LTBP3: variants seen among roughly 807,000 people sequenced by gnomAD.
The protein encoded by LTBP3 is latent-transforming growth factor beta-binding protein 3.
A neutral mutation model predicts 159.7 loss-of-function variants in LTBP3; 97 were observed. The ratio of observed to expected loss-of-function variants is 0.61; its 90% CI spans 0.52 to 0.72. The LOEUF is 0.72. Ranked by LOEUF, LTBP3 falls within the 30% of genes least tolerant of loss-of-function variation. LTBP3 has a pLI of 0.00. For synonymous variants in LTBP3, 824 were observed against 777.1 expected, an observed-to-expected ratio of 1.06 and a Z score of -1.00; for missense variants, 1,584 against 1,864.3, an observed-to-expected ratio of 0.85 and a Z score of 2.77.
At chr11:65,555,155 G>T (rs1856765070) in intron 1 of LTBP3, among the ~76,000 whole-genome samples, 1 of 152,028 alleles carries the variant, frequency 6.6e-6, no homozygotes, top group Non-Finnish European at 1.5e-5. Flanking sequence ...TAGGGCCACT[G>T]CTCCTGCCCT....
At chr11:65,543,272 C>A in intron 17 of LTBP3, 48 bp from the exon 18 acceptor site, 1 of 1,613,504 alleles carries the variant, frequency 6.2e-7, no homozygotes, top group Non-Finnish European at 8.5e-7. Context: ...GATCACCAAC[C>A]CCAGCCTGAG....
rs1856422543 is a variant in LTBP3, at chr11:65,547,452, A to C, written c.2094T>G (p.Pro698=). ...YPGYRLKASR[P]PVCEDIDECR... The stretch of plus-strand genomic sequence containing the variant: ...GGGTCCCCTCACCTTCGCACACAGG[A>C]GGCCGGGAGGCTTTGAGCCGGTAGC... The change falls in exon 14 of 28, where the codon CCT becomes CCG. Residue 698 remains proline, a synonymous_variant. Coordinates refer to ENST00000301873, the MANE Select transcript of LTBP3 (RefSeq NM_001130144.3). This position sits in a 1 kb window ranked among gnomAD's most constrained non-coding sequence, Gnocchi z 4.6. The C allele has an allele frequency of 6.2e-7, 1 of 1,613,638 alleles. No homozygotes were observed. The highest frequency in any genetic ancestry group is 1.1e-5 in the South Asian group (1 of 91,078).
chr11:65,548,216 C>T, intron 11 of LTBP3, 171 bp from the exon 12 acceptor site: 3 of 967,326 alleles, frequency 3.1e-6, no homozygotes, highest in Non-Finnish European at 4.7e-6. Context: ...ATATCAAGAC[C>T]CCAGAAAGCT....
chr11:65,541,747 G>A lies in LTBP3; in HGVS notation c.2597-19C>T, dbSNP rs188914608. On this transcript the variant is annotated intron_variant, in intron 18 of 27. Coordinates refer to ENST00000301873, the MANE Select transcript of LTBP3 (RefSeq NM_001130144.3). The stretch of plus-strand genomic sequence containing the variant: ...TCTATGTCTGCGGGGCAAGAGTAGC[G>A]CAGCTGGAAACCCAGCCCCTCTTTC... 25 of 1,613,684 alleles carry A rather than the reference G, an allele frequency of 1.5e-5. No homozygotes were observed. The highest frequency in any genetic ancestry group is 1.1e-4 in the African/African-American group (8 of 75,016).
chr11:65,548,153 A>T, intron 11 of LTBP3, 108 bp from the exon 12 acceptor site: 1 of 1,504,160 alleles, frequency 6.6e-7, no homozygotes, highest in South Asian at 1.1e-5. Flanking sequence ...AGGTTCCTGT[A>T]CGCCCATACT....
At position 65,538,646 on chromosome 11, in the gene LTBP3, G is replaced by C. The variant is rs1855864721; in HGVS notation, c.*434C>G. On this transcript the variant is annotated 3_prime_UTR_variant, in exon 28 of 28. Coordinates refer to ENST00000301873, the MANE Select transcript of LTBP3 (RefSeq NM_001130144.3). ...TTGTACAAACCATGTGAGCCCGGCC[G>C]GCCCAGCCAGGCCATCTCACGTGTA... 1.4e-6 allele frequency: 2 copies of C among 1,453,352 alleles called. No homozygotes were observed. Among genetic ancestry groups the C allele is most frequent in the South Asian group, 2.7e-5 (2 of 75,418 alleles). The allele number at this position is 1,453,352 out of a possible 1,614,324, so 90.0% of individuals were successfully genotyped here. A position where few individuals can be genotyped will look rare whatever the true frequency, so the allele number is the denominator to read the frequency against.
In LTBP3 at chr11:65,557,762, A is replaced by G. The variant is rs1251001072; in HGVS notation, c.198T>C (p.Phe66=). 1 of 1,603,440 alleles carries G rather than the reference A, an allele frequency of 6.2e-7. No individual in the cohort carries two copies. The highest frequency in any genetic ancestry group is 1.3e-5 in the African/African-American group (1 of 74,998). ...AGGTCCGCTTGCAGATCACCGGCGC[A>G]AAGACCACCTTGAAGCGCTCGCGGG... The part of the protein sequence containing the change: ...ALARERFKVV[F]APVICKRTCL... Residue 66 remains phenylalanine, a synonymous_variant, in exon 1 of 28, where the codon TTT becomes TTC. Transcript: ENST00000301873.
chr11:65,546,536 G>A lies in LTBP3; in HGVS notation c.2259C>T (p.Pro753=), dbSNP rs1466180648. The A allele has an allele frequency of 6.2e-7, 1 of 1,602,306 alleles. No individual in the cohort carries two copies. Among genetic ancestry groups the A allele is most frequent in the Non-Finnish European group, 8.5e-7 (1 of 1,179,416 alleles). The change falls in exon 16 of 28, where the codon CCC becomes CCT. Residue 753 remains proline, a synonymous_variant. Coordinates refer to ENST00000301873, the MANE Select transcript of LTBP3 (RefSeq NM_001130144.3). The surrounding 1 kb of genome is among the most constrained non-coding windows in gnomAD (Gnocchi z 4.0). ...GGTTCTCGCACCAGCCAGGCGAGCA[G>A]GGGCTGCCCTCGGCGCACTCGTTCA... ...RDVNECAEGS[P]CSPGWCENLP...
At chr11:65,544,289 T>TTC (rs34294277) in intron 16 of LTBP3, 1 of 153,320 alleles carries the variant, frequency 6.5e-6, no homozygotes, top group Non-Finnish European at 1.4e-5. Flanking sequence ...CACCTCCACC[T>TTC]TCTCTCTCAC....
In LTBP3 at chr11:65,538,859, C is replaced by A; in HGVS notation, c.*221G>T. The A allele has an allele frequency of 1.1e-6, 1 of 888,260 alleles. No homozygotes were observed. Among genetic ancestry groups the A allele is most frequent in the Non-Finnish European group, 1.6e-6 (1 of 636,936 alleles). 55.0% of individuals were successfully genotyped at this position (888,260 alleles called of 1,614,324 possible). On this transcript the variant is annotated 3_prime_UTR_variant, in exon 28 of 28. Transcript: ENST00000301873. The stretch of plus-strand genomic sequence containing the variant: ...GATTTATCAGTTTCTAGGAAACACC[C>A]TCTGGGAGGAAGGCAGGCAGCGCCC...
chr11:65,542,871 A>G, intron 18 of LTBP3: 1 of 565,216 alleles, frequency 1.8e-6, no homozygotes, highest in Non-Finnish European at 3.2e-6. Flanking sequence ...AAAGACTGGA[A>G]GGCTGAGCAG....
intron 26 of LTBP3, 35 bp from the exon 27 acceptor site, chr11:65,539,494 G>A (rs777093395): frequency 2.5e-6 from 4 of 1,592,962 alleles, no homozygotes; most frequent in Non-Finnish European, 3.4e-6. Flanking sequence ...CTTCAACACT[G>A]AGCCCCGGCC....
In LTBP3 at chr11:65,552,337, A is replaced by T; in HGVS notation, c.1256T>A (p.Leu419Gln). The T allele has an allele frequency of 6.2e-7, 1 of 1,614,064 alleles. No homozygotes were observed. The highest frequency in any genetic ancestry group is 8.5e-7 in the Non-Finnish European group (1 of 1,179,990). Reference protein sequence around the residue: ...VSPEHQCQHPLTTRLTRQLCC... With the variant: ...VSPEHQCQHPQTTRLTRQLCC... ...GAGCTGGCGGGTCAGGCGGGTGGTC[A>T]GTGGGTGCTGGCACTGGTGCTCAGG... Residue 419 changes from leucine to glutamine, a missense_variant, in exon 7 of 28, where the codon CTG (leucine) becomes CAG (glutamine). By Grantham distance (113) the Leu-to-Gln change is moderately radical. Around this residue, in one of 6 missense-constraint regions of LTBP3, gnomAD observed 156 missense variants for 259.7 expected, o/e 0.60. Coordinates refer to ENST00000301873, the MANE Select transcript of LTBP3 (RefSeq NM_001130144.3). This position sits in a 1 kb window ranked among gnomAD's most constrained non-coding sequence, Gnocchi z 6.0.
At chr11:65,555,062 G>T (rs980098127) in intron 1 of LTBP3, among the ~76,000 whole-genome samples, 1 of 151,662 alleles carries the variant, frequency 6.6e-6, no homozygotes, top group Non-Finnish European at 1.5e-5. Flanking sequence ...ATCCACAGCT[G>T]AGCCCCGACG....
intron 11 of LTBP3, chr11:65,549,066 G>C (rs368486040): frequency 1.3e-5 from 2 of 152,302 alleles, no homozygotes; most frequent in East Asian, 3.9e-4. Context: ...TGGAAAACGA[G>C]GCTAACAACG....
At position 65,552,231 on chromosome 11, in the gene LTBP3, G is replaced by T. The variant is rs767352652; in HGVS notation, c.1345+17C>A. The T allele has an allele frequency of 1.9e-6, 3 of 1,614,128 alleles. No homozygotes were observed. The highest frequency in any genetic ancestry group is 3.3e-5 in the Admixed American group (2 of 60,026). ...CATGGACCTATGAACCCCTATCCCC[G>T]GGTAACCCTGACTCACCGGTGCCAT... On this transcript the variant is annotated intron_variant, in intron 7 of 27. Transcript: ENST00000301873. This position sits in a 1 kb window ranked among gnomAD's most constrained non-coding sequence, Gnocchi z 6.0.
intron 16 of LTBP3, chr11:65,543,858 G>C: frequency 4.6e-6 from 2 of 435,062 alleles, no homozygotes; most frequent in Non-Finnish European, 8.6e-6. Context: ...TTTCCTCTGG[G>C]GATAAACTCC....
Position 65,546,860 on chromosome 11 carries a change from C to T in LTBP3, c.2168G>A (p.Gly723Glu). 6.2e-7 allele frequency: 1 copy of T among 1,612,166 alleles called. No individual in the cohort carries two copies. Among genetic ancestry groups the T allele is most frequent in the Non-Finnish European group, 8.5e-7 (1 of 1,179,944 alleles). ...CPDGKCENKP[G>E]SFKCIACQPG... is the part of the protein sequence containing the mutation. ...CTGACAGGCGATGCACTTGAAGCTC[C>T]CGGGCTTGTTCTCGCATTTGCCATC... The change falls in exon 15 of 28, where the codon GGG becomes GAG. Residue 723 changes from glycine to glutamate, a missense_variant. Physicochemically the swap from Gly to Glu is moderately conservative, Grantham distance 98 (BLOSUM62 -2). Transcript: ENST00000301873. The surrounding 1 kb of genome is among the most constrained non-coding windows in gnomAD (Gnocchi z 4.0).
chr11:65,553,358 AGGGATGGGT>A lies in LTBP3; in HGVS notation c.970+58_970+66del. 1 of 504,526 alleles carries A rather than the reference AGGGATGGGT, an allele frequency of 2.0e-6. No individual in the cohort carries two copies. Among genetic ancestry groups the A allele is most frequent in the South Asian group, 1.9e-5 (1 of 53,020 alleles). 31.3% of individuals were successfully genotyped at this position (504,526 alleles called of 1,614,324 possible). On this transcript the variant is annotated intron_variant, in intron 4 of 27. Coordinates refer to ENST00000301873, the MANE Select transcript of LTBP3 (RefSeq NM_001130144.3). The surrounding 1 kb of genome is among the most constrained non-coding windows in gnomAD (Gnocchi z 6.5). The stretch of plus-strand genomic sequence containing the variant: ...CTGGTGACCTGGGGACTCCCACTGC[AGGGATGGGT>A]GGGGTGGGTGGGGAGGGGCCACCAG...
Sources: gnomAD v4.1 joint callset for allele counts (sites outside exome capture counted in the v4.1 genomes callset) on GRCh38, gnomAD v4.1.1 for gene constraint, gnomAD v4.1.1 regional missense constraint, Gnocchi (gnomAD v3.1) non-coding constraint, MANE v1.5 for transcripts, NCBI Gene and HGNC (gene_info 2026-07-23, HGNC 2026-07-21) for gene names.